CAST: variants seen among roughly 807,000 people sequenced by gnomAD.
The protein encoded by CAST is MIR583 host.
CAST carries 76 observed loss-of-function variants against 119.6 expected under a neutral mutation model. The ratio of observed to expected loss-of-function variants is 0.64; its 90% CI spans 0.53 to 0.77. The LOEUF (loss-of-function observed/expected upper bound fraction) is 0.77, where lower values mean the gene tolerates loss of function less well. CAST is among the 30% of genes least tolerant of loss of function. The pLI, the probability that CAST is intolerant of heterozygous loss-of-function variation, is 0.00. For synonymous variants in CAST, 319 were observed against 331.6 expected (o/e 0.96, Z 0.41); for missense variants, 953 against 946.5 (o/e 1.01, Z -0.09).
At chr5:96,493,531 A>G in the CAST span, among the ~76,000 whole-genome samples, 3 of 152,306 alleles carry the variant, frequency 2.0e-5, no homozygotes, top group South Asian at 4.1e-4. Context: ...TCCCTTGGAA[A>G]TTCTAAACCA....
the CAST span, among the ~76,000 whole-genome samples, chr5:96,203,194 TTAAA>T: frequency 6.6e-6 from 1 of 152,032 alleles, no homozygotes; most frequent in African/African-American, 2.4e-5. Flanking sequence ...ACATATGCCC[TTAAA>T]TAGTCTTCTA....
At chr5:96,419,324 TATAA>T in the CAST span, among the ~76,000 whole-genome samples, 1 of 147,640 alleles carries the variant, frequency 6.8e-6, no homozygotes, top group Admixed American at 6.8e-5. Context: ...TATATATATA[TATAA>T]AACCTCACTT....
chr5:96,590,539 A>AGTG (rs1746944763), intron 1 of CAST, among the ~76,000 whole-genome samples: 1 of 152,218 alleles, frequency 6.6e-6, no homozygotes, highest in African/African-American at 2.4e-5. Context: ...TGCCATACAG[A>AGTG]CACCATGTCC....
chr5:96,422,160 G>A, the CAST span, among the ~76,000 whole-genome samples: 2 of 152,068 alleles, frequency 1.3e-5, no homozygotes, highest in Non-Finnish European at 2.9e-5. Flanking sequence ...ACAGCCAGGT[G>A]AGCCAGCATT....
At chr5:96,632,984 T>C (rs1380067916) in intron 1 of CAST, among the ~76,000 whole-genome samples, 3 of 152,186 alleles carry the variant, frequency 2.0e-5, no homozygotes, top group Non-Finnish European at 4.4e-5. Context: ...TTTTGTTCTG[T>C]TTTTGAGACA....
At chr5:96,357,379 G>C in the CAST span, among the ~76,000 whole-genome samples, 1 of 152,156 alleles carries the variant, frequency 6.6e-6, no homozygotes, top group Non-Finnish European at 1.5e-5. Flanking sequence ...TTTAATAGAA[G>C]TGGTGGCAAA....
At chr5:95,967,241 T>G in the CAST span, among the ~76,000 whole-genome samples, 2 of 152,054 alleles carry the variant, frequency 1.3e-5, no homozygotes, top group African/African-American at 4.8e-5. Flanking sequence ...ATTTTGATAA[T>G]TAATAATAGC....
At chr5:96,365,487 A>G in the CAST span, among the ~76,000 whole-genome samples, 1 of 152,138 alleles carries the variant, frequency 6.6e-6, no homozygotes, top group Non-Finnish European at 1.5e-5. Context: ...CTAAGGACTT[A>G]CTTTATGAAT....
At chr5:96,068,212 T>G in the CAST span, among the ~76,000 whole-genome samples, 2 of 152,150 alleles carry the variant, frequency 1.3e-5, no homozygotes, top group South Asian at 4.1e-4. Context: ...ACTCATTGCT[T>G]GGGAATTTCT....
intron 1 of CAST, among the ~76,000 whole-genome samples, chr5:96,558,448 G>A (rs1479445280): frequency 1.3e-5 from 2 of 152,074 alleles, no homozygotes; most frequent in African/African-American, 4.8e-5. Flanking sequence ...CAACAAAATT[G>A]AGAGACCACT....
intron 3 of CAST, among the ~76,000 whole-genome samples, chr5:96,705,800 T>C (rs1754852018): frequency 6.6e-6 from 1 of 152,230 alleles, no homozygotes; most frequent in Non-Finnish European, 1.5e-5. Flanking sequence ...GTGATGATAA[T>C]GTAGCTATGA....
At chr5:96,290,838 C>T in the CAST span, among the ~76,000 whole-genome samples, 3 of 152,166 alleles carry the variant, frequency 2.0e-5, no homozygotes, top group African/African-American at 4.8e-5. Flanking sequence ...TCCTGGTGTT[C>T]TTGGTCTTGT....
chr5:96,716,292 G>A (rs1280101581), intron 3 of CAST, among the ~76,000 whole-genome samples: 1 of 152,144 alleles, frequency 6.6e-6, no homozygotes, highest in African/African-American at 2.4e-5. Flanking sequence ...TTTTTAAGTT[G>A]TACAACTCCT....
intron 3 of CAST, among the ~76,000 whole-genome samples, chr5:96,700,480 G>A (rs1753746079): frequency 6.6e-6 from 1 of 152,206 alleles, no homozygotes; most frequent in African/African-American, 2.4e-5. Context: ...ATGAGTCAGT[G>A]TGGGTTTTAT....
chr5:96,430,686 T>C, the CAST span, among the ~76,000 whole-genome samples: 1 of 152,246 alleles, frequency 6.6e-6, no homozygotes, highest in Admixed American at 6.5e-5. Flanking sequence ...ATCAGCCTTC[T>C]ACAAAGAATT....
At chr5:96,428,718 C>T in the CAST span, among the ~76,000 whole-genome samples, 3 of 152,078 alleles carry the variant, frequency 2.0e-5, no homozygotes, top group Non-Finnish European at 4.4e-5. Flanking sequence ...TACAGCAAAA[C>T]CAAATAGAAA....
In CAST at chr5:96,662,501, A is replaced by T. The variant is rs1014237137; in HGVS notation, c.75+4A>T. On this transcript the variant is annotated splice_donor_region_variant and intron_variant, in intron 1 of 31. Coordinates refer to ENST00000675179, the MANE Select transcript of CAST (RefSeq NM_001750.7). The stretch of plus-strand genomic sequence containing the variant: ...CGCCGCCCGCCGCACCCATGAGGTG[A>T]GTGGCGCTCCTGTCGGCGTCGCGGG... 7.2e-7 allele frequency: 1 copy of T among 1,391,690 alleles called. No individual in the cohort carries two copies. Among genetic ancestry groups the T allele is most frequent in the Non-Finnish European group, 9.3e-7 (1 of 1,079,542 alleles). The allele number at this position is 1,391,690 out of a possible 1,614,324, so 86.2% of individuals were successfully genotyped here.
At chr5:96,014,784 C>T in the CAST span, among the ~76,000 whole-genome samples, 3 of 152,146 alleles carry the variant, frequency 2.0e-5, no homozygotes, top group African/African-American at 7.2e-5. Context: ...TTAATAATTA[C>T]TGCCAAATTG....
chr5:96,495,443 G>C, the CAST span, among the ~76,000 whole-genome samples: 1 of 152,054 alleles, frequency 6.6e-6, no homozygotes, highest in African/African-American at 2.4e-5. Context: ...AATAGGCCCT[G>C]ATGTGTGATG....
Sources: allele counts gnomAD v4.1 joint callset (sites outside exome capture counted in the v4.1 genomes callset), GRCh38; gene constraint gnomAD v4.1.1; transcripts MANE v1.5; gene names NCBI Gene and HGNC (gene_info 2026-07-23, HGNC 2026-07-21).